The following CLVS1 variants were observed in gnomAD, a reference collection of about 807,000 sequenced individuals.
CLVS1 encodes the protein clavesin 1.
A neutral mutation model predicts 33.1 loss-of-function variants in CLVS1; 10 were observed. That is an observed-to-expected ratio of 0.30 (90% confidence interval 0.19 to 0.51). The LOEUF (loss-of-function observed/expected upper bound fraction) is 0.51. Ranked by LOEUF, CLVS1 falls within the 20% of genes least tolerant of loss-of-function variation. The pLI, the probability that CLVS1 is intolerant of heterozygous loss-of-function variation, is 0.97. For synonymous variants in CLVS1, 163 were observed against 166.1 expected, an observed-to-expected ratio of 0.98 and a Z score of 0.14; for missense variants, 343 against 433.4, an observed-to-expected ratio of 0.79 and a Z score of 1.85.
chr8:61,272,126 TG>T (rs1320685707), intron 2 of CLVS1, among the ~76,000 whole-genome samples: 2 of 151,808 alleles, frequency 1.3e-5, no homozygotes, highest in East Asian at 3.9e-4. Flanking sequence ...TTGCAGCGGC[TG>T]GTACTGGTTG....
chr8:61,422,362 G>A (rs1025768096), intron 3 of CLVS1, among the ~76,000 whole-genome samples: 9 of 152,174 alleles, frequency 5.9e-5, no homozygotes, highest in Non-Finnish European at 1.3e-4. Context: ...TCTGCAGCAC[G>A]TGAAGCATGT....
At chr8:61,128,670 G>A (rs1806024160) in intron 1 of CLVS1, among the ~76,000 whole-genome samples, 1 of 152,186 alleles carries the variant, frequency 6.6e-6, no homozygotes. Flanking sequence ...CTTGGGTCAG[G>A]TTTGACATTC....
chr8:61,219,369 A>C (rs996348656), intron 2 of CLVS1, among the ~76,000 whole-genome samples: 101 of 151,586 alleles, frequency 6.7e-4, no homozygotes, highest in Middle Eastern at 3.4e-3. Flanking sequence ...TCATTGTTCA[A>C]CTCCCACTTA....
chr8:61,284,459 C>T (rs1048750908), upstream of CLVS1, among the ~76,000 whole-genome samples: 19 of 152,062 alleles, frequency 1.2e-4, no homozygotes, highest in East Asian at 3.8e-4. Context: ...AATGAATATA[C>T]GTATCAAAAC....
At chr8:61,106,948 T>A (rs1201432051) in intron 1 of CLVS1, among the ~76,000 whole-genome samples, 1 of 152,168 alleles carries the variant, frequency 6.6e-6, no homozygotes, top group Non-Finnish European at 1.5e-5. Flanking sequence ...TGAGGTTCCA[T>A]GTGACAACTT....
chr8:61,332,652 T>C (rs1426494105), intron 2 of CLVS1, among the ~76,000 whole-genome samples: 1 of 152,196 alleles, frequency 6.6e-6, no homozygotes, highest in Non-Finnish European at 1.5e-5. Flanking sequence ...TCTTTTTTAA[T>C]TTTTTTGAGA....
chr8:61,211,681 C>G (rs1040082025), intron 2 of CLVS1, among the ~76,000 whole-genome samples: 1 of 152,188 alleles, frequency 6.6e-6, no homozygotes, highest in African/African-American at 2.4e-5. Context: ...TTATGGCCCC[C>G]CAAAGACATC....
At chr8:61,448,149 GT>G (rs549218579) in intron 3 of CLVS1, among the ~76,000 whole-genome samples, 36 of 149,518 alleles carry the variant, frequency 2.4e-4, no homozygotes, top group African/African-American at 8.1e-4. Context: ...TCAATATATT[GT>G]TTTTTTTTCT....
intron 2 of CLVS1, 141 bp downstream of exon 2, chr8:61,300,423 G>T: frequency 1.4e-6 from 1 of 727,254 alleles, no homozygotes; most frequent in South Asian, 2.0e-5. Flanking sequence ...TTAGGCCACA[G>T]GTGTGCTGTC....
chr8:61,153,287 C>A (rs533239661), intron 2 of CLVS1, among the ~76,000 whole-genome samples: 1 of 152,222 alleles, frequency 6.6e-6, no homozygotes, highest in Non-Finnish European at 1.5e-5. Flanking sequence ...TTTAGAATTG[C>A]CAGTTCAAAT....
At chr8:61,045,553 C>T in the CLVS1 span, among the ~76,000 whole-genome samples, 8 of 152,296 alleles carry the variant, frequency 5.3e-5, no homozygotes, top group African/African-American at 1.7e-4. Context: ...TTCTTGAGTA[C>T]GGCACCCCAA....
At chr8:60,982,268 T>C in the CLVS1 span, among the ~76,000 whole-genome samples, 2 of 152,244 alleles carry the variant, frequency 1.3e-5, no homozygotes, top group African/African-American at 4.8e-5. Context: ...TTCTGAACAC[T>C]AATAGAATTT....
At chr8:61,356,062 C>G (rs528215547) in intron 2 of CLVS1, among the ~76,000 whole-genome samples, 2,477 of 152,138 alleles carry the variant, frequency 0.016, 59 homozygotes, top group African/African-American at 0.056. Flanking sequence ...TCTCCACATC[C>G]TCTCCAGCAC....
At chr8:61,496,088 G>T (rs935436282) in intron 5 of CLVS1, among the ~76,000 whole-genome samples, 1 of 152,160 alleles carries the variant, frequency 6.6e-6, no homozygotes, top group African/African-American at 2.4e-5. Context: ...GCATGGAGGA[G>T]CAGGTTCCTC....
At chr8:61,194,929 T>C in intron 2 of CLVS1, among the ~76,000 whole-genome samples, 1 of 106,430 alleles carries the variant, frequency 9.4e-6, no homozygotes, top group South Asian at 2.7e-4. Context: ...AATTAGAAAA[T>C]TCTTATATGT....
intron 5 of CLVS1, among the ~76,000 whole-genome samples, chr8:61,486,781 T>G (rs1803901537): frequency 6.6e-6 from 1 of 152,196 alleles, no homozygotes; most frequent in Admixed American, 6.5e-5. Flanking sequence ...CCTGCCACCC[T>G]GATTCATTTG....
chr8:61,095,878 ATAGCAT>A (rs754549232), intron 1 of CLVS1, among the ~76,000 whole-genome samples: 1 of 152,206 alleles, frequency 6.6e-6, no homozygotes, highest in Non-Finnish European at 1.5e-5. Flanking sequence ...GATACAGTTC[ATAGCAT>A]TAGCTACTTC....
At chr8:61,276,040 G>A (rs892786572) in intron 2 of CLVS1, among the ~76,000 whole-genome samples, 1 of 152,158 alleles carries the variant, frequency 6.6e-6, no homozygotes, top group Non-Finnish European at 1.5e-5. Flanking sequence ...AAAAGGTTTC[G>A]TTTGTGAAAT....
the CLVS1 span, among the ~76,000 whole-genome samples, chr8:61,020,539 C>T: frequency 6.6e-6 from 1 of 152,228 alleles, no homozygotes; most frequent in Non-Finnish European, 1.5e-5. Context: ...GCTGGCCAAG[C>T]ACGTGGCACT....
Sources: gnomAD v4.1 joint callset for allele counts (sites outside exome capture counted in the v4.1 genomes callset) on GRCh38, gnomAD v4.1.1 for gene constraint, MANE v1.5 for transcripts, NCBI Gene and HGNC (gene_info 2026-07-23, HGNC 2026-07-21) for gene names.